The following CEACAM18 variants were observed in gnomAD, a reference collection of about 807,000 sequenced individuals.
CEACAM18 encodes CEA cell adhesion molecule 18.
Under a neutral mutation model 34.3 loss-of-function variants are expected in CEACAM18, and 33 were observed. That is an observed-to-expected ratio of 0.96 (90% CI 0.73 to 1.29). CEACAM18 has a LOEUF of 1.29. CEACAM18 is among the 50% of genes most tolerant of loss of function. The probability of loss-of-function intolerance (pLI) is 0.00; values close to 1 mark genes in which losing one functional copy is unlikely to be tolerated. For synonymous variants in CEACAM18, 169 were observed against 180.9 expected (o/e 0.93, Z 0.53); for missense variants, 474 against 485.0 (o/e 0.98, Z 0.21).
chr19:51,486,486 G>A (rs144380226), intron 5 of CEACAM18, among the ~76,000 whole-genome samples: 361 of 152,042 alleles, frequency 2.4e-3, no homozygotes, highest in Non-Finnish European at 3.5e-3. Flanking sequence ...GTCAGGGACC[G>A]CATCTCCTTC....
chr19:51,491,118 G>C (rs1990086648), downstream of CEACAM18, among the ~76,000 whole-genome samples: 1 of 152,130 alleles, frequency 6.6e-6, no homozygotes, highest in Non-Finnish European at 1.5e-5. Flanking sequence ...GTACCGGAGC[G>C]ACCTGAACGC....
At chr19:51,482,433 C>T (rs559391029) in intron 3 of CEACAM18, among the ~76,000 whole-genome samples, 28 of 152,254 alleles carry the variant, frequency 1.8e-4, no homozygotes, top group Middle Eastern at 6.8e-3. Flanking sequence ...TTTCCTAAAG[C>T]GCAGGCTACG....
chr19:51,481,776 C>CGAGAT, intron 3 of CEACAM18, 111 bp downstream of exon 3: 1 of 1,136,988 alleles, frequency 8.8e-7, no homozygotes, highest in Non-Finnish European at 1.2e-6. Flanking sequence ...CCTGGGCCAG[C>CGAGAT]CTGCAGCCAG....
At chr19:51,480,558 G>C in exon 2 of CEACAM18, 1 of 1,614,022 alleles carries the variant, frequency 6.2e-7, no homozygotes. Flanking sequence ...GGCAGGGAGA[G>C]AGTGAACAGA....
At chr19:51,483,414 C>T (rs555051922) in intron 4 of CEACAM18, 118 bp downstream of exon 4, 2 of 1,266,304 alleles carry the variant, frequency 1.6e-6, no homozygotes, top group Admixed American at 4.0e-5. Flanking sequence ...CTCTCAACCT[C>T]TGGGTGAAAT....
intron 5 of CEACAM18, among the ~76,000 whole-genome samples, 153 bp downstream of exon 5, chr19:51,485,275 C>T (rs895841275): frequency 2.6e-5 from 4 of 152,126 alleles, no homozygotes; most frequent in African/African-American, 9.7e-5. Context: ...CAGATCAGCC[C>T]CCAGGACCTG....
intron 5 of CEACAM18, among the ~76,000 whole-genome samples, chr19:51,486,924 G>A (rs576143555): frequency 6.8e-4 from 103 of 150,702 alleles, no homozygotes; most frequent in Admixed American, 1.7e-3. Context: ...GGGTTTCACC[G>A]TGTTAGCCAG....
At chr19:51,483,155 G>A (rs755069304) in exon 4 of CEACAM18, 2 of 1,613,940 alleles carry the variant, frequency 1.2e-6, no homozygotes, top group Non-Finnish European at 1.7e-6. Context: ...ATCCACAATG[G>A]CTCCCTCCTG....
exon 5 of CEACAM18, chr19:51,485,070 G>C (rs1233567788): frequency 1.3e-6 from 2 of 1,535,308 alleles, no homozygotes; most frequent in African/African-American, 2.7e-5. Context: ...GCTGGGTGGC[G>C]TTTACATCTG....
In CEACAM18 at chr19:51,480,462, G is replaced by A. The variant is rs370424604; in HGVS notation, c.182G>A (p.Trp61Ter). Residue 61 changes from tryptophan to a stop codon, truncating the protein, a stop_gained, in exon 2 of 6, where the codon TGG becomes TAG. Coordinates refer to ENST00000396477, the Ensembl canonical transcript of CEACAM18. LOFTEE classifies it high-confidence loss of function. ...CCTGAGGATGTTCAGGAATACAGCT[G>A]GTACTGGGGTGCAAACGACAGCGCA... 1.2e-4 allele frequency: 189 copies of A among 1,613,628 alleles called. No homozygotes were observed. Among genetic ancestry groups the A allele is most frequent in the Non-Finnish European group, 1.6e-4 (185 of 1,179,784 alleles).
chr19:51,481,500 G>A, exon 3 of CEACAM18: 1 of 1,614,024 alleles, frequency 6.2e-7, no homozygotes, highest in Non-Finnish European at 8.5e-7. Flanking sequence ...CACGTGGTAT[G>A]TGAATGATGT....
chr19:51,478,686 T>G, exon 1 of CEACAM18: 1 of 1,461,062 alleles, frequency 6.8e-7, no homozygotes. Context: ...AGGAGGGTCT[T>G]CCTCATGGGT....
At chr19:51,485,961 G>A (rs1388750098) in intron 5 of CEACAM18, among the ~76,000 whole-genome samples, 2 of 152,206 alleles carry the variant, frequency 1.3e-5, no homozygotes, top group African/African-American at 2.4e-5. Flanking sequence ...AGAGTCAGTG[G>A]AGTAGATGTT....
At chr19:51,489,916 ATC>A (rs1205235581) in intron 5 of CEACAM18, among the ~76,000 whole-genome samples, 1 of 152,218 alleles carries the variant, frequency 6.6e-6, no homozygotes, top group Non-Finnish European at 1.5e-5. Context: ...CAAAGAGTGT[ATC>A]TGAATCACCT....
At chr19:51,481,277 T>G in intron 2 of CEACAM18, 116 bp from the exon 3 acceptor site, 2 of 1,131,952 alleles carry the variant, frequency 1.8e-6, no homozygotes, top group Non-Finnish European at 2.5e-6. Context: ...GGATGCCAGA[T>G]CTTATCTTAC....
chr19:51,481,245 G>A, intron 2 of CEACAM18, 148 bp from the exon 3 acceptor site: 1 of 827,832 alleles, frequency 1.2e-6, no homozygotes, highest in East Asian at 2.7e-5. Context: ...CTATTCCTCT[G>A]CCCTTCTCAG....
chr19:51,478,745 G>T, intron 1 of CEACAM18, 51 bp downstream of exon 1: 3 of 1,292,062 alleles, frequency 2.3e-6, no homozygotes, highest in Non-Finnish European at 3.0e-6. Context: ...GGGAAGGGCA[G>T]CTAGGAGCAA....
rs775130941 is a variant in CEACAM18, at chr19:51,479,268, C to T, written c.52+574C>T. Among the ~76,000 whole-genome samples the T allele has an allele frequency of 1.1e-4, 16 of 152,378 alleles. No individual in the cohort carries two copies. The Middle Eastern group carries it at 0.014, about 130-fold the overall frequency. On this transcript the variant is annotated intron_variant, in intron 1 of 5. Coordinates refer to ENST00000396477, the Ensembl canonical transcript of CEACAM18. Reference sequence around the variant, plus strand: ...GGGTCTCAGGCATCTCTGCCTCCTCCACATAGCCCAGGCTTGGGGTTCACA... The same window carrying T: ...GGGTCTCAGGCATCTCTGCCTCCTCTACATAGCCCAGGCTTGGGGTTCACA...
chr19:51,486,196 C>T (rs1024037545), intron 5 of CEACAM18, among the ~76,000 whole-genome samples: 1 of 151,782 alleles, frequency 6.6e-6, no homozygotes, highest in Non-Finnish European at 1.5e-5. Context: ...GTGATGGTGA[C>T]ATTGGTAGTG....
Sources: gnomAD v4.1 joint callset for allele counts (sites outside exome capture counted in the v4.1 genomes callset) on GRCh38, gnomAD v4.1.1 for gene constraint, MANE v1.5 for transcripts, NCBI Gene and HGNC (gene_info 2026-07-23, HGNC 2026-07-21) for gene names.